Variants in DOCK6 observed in about 807,000 individuals in gnomAD.
The protein encoded by DOCK6 is dedicator of cytokinesis 6.
DOCK6 carries 167 observed loss-of-function variants against 230.3 expected under a neutral mutation model. The observed-to-expected ratio is 0.73, with a 90% CI of 0.64 to 0.82. The LOEUF is 0.82. DOCK6 is among the 40% of genes least tolerant of loss of function. DOCK6 has a pLI of 0.00. For missense variants in DOCK6, 2,598 were observed against 2,825.8 expected (o/e 0.92, Z 1.83); for synonymous variants, 1,148 against 1,185.0 (o/e 0.97, Z 0.64).
At chr19:11,217,416 G>T in intron 28 of DOCK6, 25 bp from the exon 29 acceptor site, 1 of 1,606,396 alleles carries the variant, frequency 6.2e-7, no homozygotes, top group Non-Finnish European at 8.5e-7. Flanking sequence ...CAGAGGGAAA[G>T]AAAGATAAAC....
At chr19:11,229,481 G>A (rs2079728884) in intron 22 of DOCK6, 9 of 584,606 alleles carry the variant, frequency 1.5e-5, no homozygotes, top group African/African-American at 2.1e-5. Flanking sequence ...CACAGACAGG[G>A]ATGGGGAAAA....
intron 39 of DOCK6, among the ~76,000 whole-genome samples, chr19:11,207,754 C>A (rs948069800): frequency 1.3e-5 from 2 of 150,694 alleles, no homozygotes; most frequent in African/African-American, 4.9e-5. Flanking sequence ...ATGGCAAAAC[C>A]CCGTCTCTAC....
In DOCK6 at chr19:11,253,718, G is replaced by T; in HGVS notation, c.53C>A (p.Ala18Asp). 6.8e-7 allele frequency: 1 copy of T among 1,473,924 alleles called. No homozygotes were observed. Among genetic ancestry groups the T allele is most frequent in the Non-Finnish European group, 8.9e-7 (1 of 1,119,530 alleles). The allele number at this position is 1,473,924 out of a possible 1,614,324, so 91.3% of individuals were successfully genotyped here. ...AFAHKINRTV[A>D]AEVRKQVSRE... ...GGACACCTGCTTCCGCACCTCTGCG[G>T]CCACCGTCCTGGAAAGATAGGGAGG... Residue 18 changes from alanine to aspartate, a missense_variant, in exon 2 of 48, where the codon GCC becomes GAC. Coordinates refer to ENST00000294618, the MANE Select transcript of DOCK6 (RefSeq NM_020812.4).
At chr19:11,238,432 G>T (rs2079887065) in intron 14 of DOCK6, 128 bp from the exon 15 acceptor site, 2 of 782,248 alleles carry the variant, frequency 2.6e-6, no homozygotes. Flanking sequence ...TGAGGCTGGG[G>T]CATTGAGGGC....
intron 41 of DOCK6, chr19:11,203,805 C>G: frequency 3.5e-6 from 2 of 576,332 alleles, no homozygotes; most frequent in South Asian, 2.2e-5. Flanking sequence ...CCGCCACCCC[C>G]CTGCAGTGAC....
chr19:11,221,751 TA>T lies in DOCK6; in HGVS notation c.3550+99del. 1.9e-6 allele frequency: 3 copies of T among 1,563,214 alleles called. No individual in the cohort carries two copies. The South Asian group carries it at 3.4e-5, about 18-fold the overall frequency. Reference sequence around the variant, plus strand: ...CCTGCTCTGCTAATCCTAATGTCTATACTCATACCAGTGACTGTGTTCTCCC... The same window carrying T: ...CCTGCTCTGCTAATCCTAATGTCTATCTCATACCAGTGACTGTGTTCTCCC... On this transcript the variant is annotated intron_variant, in intron 28 of 47. Transcript: ENST00000294618.
At position 11,262,521 on chromosome 19, in the gene DOCK6, G is replaced by C. The variant is rs2080309251; in HGVS notation, c.-81C>G. 3.1e-5 allele frequency: 28 copies of C among 911,184 alleles called. No homozygotes were observed. The highest frequency in any genetic ancestry group is 3.7e-5 in the Non-Finnish European group (28 of 763,678). The allele number at this position is 911,184 out of a possible 1,614,324, so 56.4% of individuals were successfully genotyped here. ...CTCCCGGTTCTGGGCAGCCGGGGCGGGGCGGGGCCGGCGCGGGGGCGGGGC... is the reference window on the plus strand; with the variant it reads ...CTCCCGGTTCTGGGCAGCCGGGGCGCGGCGGGGCCGGCGCGGGGGCGGGGC... On this transcript the variant is annotated 5_prime_UTR_variant, in exon 1 of 48. Coordinates refer to ENST00000294618, the MANE Select transcript of DOCK6 (RefSeq NM_020812.4).
intron 37 of DOCK6, among the ~76,000 whole-genome samples, chr19:11,209,926 CCTGT>C (rs1286888298): frequency 3.7e-5 from 5 of 134,118 alleles, no homozygotes; most frequent in Admixed American, 7.4e-5. Context: ...CACCTTCTCA[CCTGT>C]CTATCCCCTT....
chr19:11,234,471 G>A (rs2079816148), intron 21 of DOCK6, among the ~76,000 whole-genome samples: 1 of 149,130 alleles, frequency 6.7e-6, no homozygotes, highest in African/African-American at 2.5e-5. Flanking sequence ...TGAGAATAAT[G>A]CCTGACACAT....
At chr19:11,216,812 A>C in intron 30 of DOCK6, 102 bp downstream of exon 30, 1 of 1,216,566 alleles carries the variant, frequency 8.2e-7, no homozygotes, top group South Asian at 1.2e-5. Flanking sequence ...AGTCCTCTGC[A>C]CAAAGACAGT....
chr19:11,202,006 C>T lies in DOCK6; in HGVS notation c.5571G>A (p.Thr1857=), dbSNP rs1424560854. 2.5e-6 allele frequency: 4 copies of T among 1,613,946 alleles called. No individual in the cohort carries two copies. In the East Asian group the frequency reaches 6.7e-5, roughly 27 times the overall value. The change falls in exon 44 of 48, where the codon ACG becomes ACA. Residue 1857 remains threonine (T), a synonymous_variant. Transcript: ENST00000294618. The surrounding 1 kb of genome is among the most constrained non-coding windows in gnomAD (Gnocchi z 5.3). ...LRTFLFCTPF[T]PDGRAHGELP... ...GCTCCCCGTGTGCGCGCCCATCCGG[C>T]GTGAACGGCGTGCAGAACAGGAATG...
In DOCK6 at chr19:11,235,641, G is replaced by C; in HGVS notation, c.2511C>G (p.His837Gln). 1 of 1,603,770 alleles carries C rather than the reference G, an allele frequency of 6.2e-7. No homozygotes were observed. Among genetic ancestry groups the C allele is most frequent in the Non-Finnish European group, 8.5e-7 (1 of 1,175,458 alleles). Residue 837 changes from histidine (H) to glutamine (Q), a missense_variant, in exon 21 of 48, where the codon CAC (histidine) becomes CAG (glutamine). By Grantham distance (24) the His-to-Gln change is conservative (BLOSUM62 0). Transcript: ENST00000294618. ...CAGTGCCAGGAAGGCGAAAGGCGTA[G>C]TGGACGTAGGCAGCCAGCTGTGGGC... ...GHCPQLAAYV[H>Q]YAFRLPGTEP...
intron 1 of DOCK6, among the ~76,000 whole-genome samples, chr19:11,259,915 ACT>A (rs1045644963): frequency 1.6e-5 from 1 of 64,028 alleles, no homozygotes; most frequent in African/African-American, 6.3e-5. Flanking sequence ...ACAGAGTCTT[ACT>A]CTGTCACCCA....
intron 24 of DOCK6, 106 bp downstream of exon 24, chr19:11,227,231 C>T (rs971489048): frequency 6.7e-5 from 99 of 1,480,800 alleles, no homozygotes; most frequent in Admixed American, 1.4e-4. Flanking sequence ...AAAGTGGATT[C>T]CTGGTCTTAC....
intron 14 of DOCK6, chr19:11,239,667 G>A: frequency 6.2e-7 from 1 of 1,613,736 alleles, no homozygotes; most frequent in Non-Finnish European, 8.5e-7. Context: ...GCCTGCTCTG[G>A]GCCCTGGCAA....
In DOCK6 at chr19:11,201,202, T is replaced by A; in HGVS notation, c.5689-150A>T. The A allele has an allele frequency of 7.9e-6, 8 of 1,013,740 alleles. No homozygotes were observed. Among genetic ancestry groups the A allele is most frequent in the Non-Finnish European group, 1.2e-5 (8 of 694,932 alleles). 62.8% of individuals were successfully genotyped at this position (1,013,740 alleles called of 1,614,324 possible). A position where few individuals can be genotyped will look rare whatever the true frequency, so the allele number is the denominator to read the frequency against. On this transcript the variant is annotated intron_variant, in intron 44 of 47. Transcript: ENST00000294618. This position sits in a 1 kb window ranked among gnomAD's most constrained non-coding sequence, Gnocchi z 4.3. Reference sequence around the variant, plus strand: ...ATCTGGGGGCCTTCCTGGGTCTGACTCTGGGGGGGTCCAGCCTTGGGTCTG... The same window carrying A: ...ATCTGGGGGCCTTCCTGGGTCTGACACTGGGGGGGTCCAGCCTTGGGTCTG...
intron 23 of DOCK6, among the ~76,000 whole-genome samples, chr19:11,228,497 TG>T (rs539955382): frequency 1.1e-3 from 162 of 147,032 alleles, no homozygotes; most frequent in East Asian, 3.2e-3. Context: ...CCCTAGGTTG[TG>T]GGGGGGGGTC....
intron 1 of DOCK6, among the ~76,000 whole-genome samples, chr19:11,258,979 C>G (rs1224683583): frequency 6.6e-6 from 1 of 152,058 alleles, no homozygotes; most frequent in Non-Finnish European, 1.5e-5. Context: ...GAACTCCTGA[C>G]CTCAGGTGAT....
intron 21 of DOCK6, among the ~76,000 whole-genome samples, chr19:11,235,261 C>T (rs890248947): frequency 1.3e-5 from 2 of 152,134 alleles, no homozygotes; most frequent in African/African-American, 2.4e-5. Context: ...CACCTACCAC[C>T]ATGCCTGGCT....
Sources: allele counts gnomAD v4.1 joint callset (sites outside exome capture counted in the v4.1 genomes callset), GRCh38; gene constraint gnomAD v4.1.1; non-coding constraint Gnocchi (gnomAD v3.1); transcripts MANE v1.5; gene names NCBI Gene and HGNC (gene_info 2026-07-23, HGNC 2026-07-21).